Variants in NBEA observed in about 807,000 individuals in gnomAD.
The protein encoded by NBEA is lysosomal-trafficking regulator 2.
A neutral mutation model predicts 343.4 loss-of-function variants in NBEA; 44 were observed. That is an observed-to-expected ratio of 0.13 (90% CI 0.10 to 0.16). NBEA has a LOEUF of 0.16. NBEA is among the 10% of genes least tolerant of loss of function. The pLI is 1.00. For synonymous variants in NBEA, 1,175 were observed against 1,238.7 expected, an observed-to-expected ratio of 0.95 and a Z score of 1.08; for missense variants, 2,555 against 3,631.3, an observed-to-expected ratio of 0.70 and a Z score of 7.62.
chr13:35,391,399 A>G (rs911144673), intron 38 of NBEA, among the ~76,000 whole-genome samples: 4 of 152,136 alleles, frequency 2.6e-5, no homozygotes, highest in African/African-American at 2.4e-5. Flanking sequence ...TGTTGTACAC[A>G]TAGAAGAATT....
chr13:35,452,259 C>G, intron 40 of NBEA, 24 bp downstream of exon 40: 1 of 1,530,064 alleles, frequency 6.5e-7, no homozygotes, highest in Admixed American at 2.1e-5. Context: ...TATATTTTTC[C>G]TATTTGTTGT....
At chr13:35,027,993 T>C (rs1208027392) in intron 1 of NBEA, among the ~76,000 whole-genome samples, 2 of 151,890 alleles carry the variant, frequency 1.3e-5, no homozygotes, top group Non-Finnish European at 2.9e-5. Context: ...TTGATAATCA[T>C]TTAGGGCTGT....
intron 38 of NBEA, among the ~76,000 whole-genome samples, chr13:35,423,158 T>C (rs920694416): frequency 6.6e-6 from 1 of 152,204 alleles, no homozygotes; most frequent in Non-Finnish European, 1.5e-5. Context: ...TTTAATTAGA[T>C]CCCATTTGTC....
chr13:35,417,799 T>G (rs190618920), intron 38 of NBEA, among the ~76,000 whole-genome samples: 3 of 152,186 alleles, frequency 2.0e-5, no homozygotes, highest in African/African-American at 7.2e-5. Flanking sequence ...TTGTTAACTT[T>G]CTGTCGCGTT....
At chr13:35,514,817 T>C (rs944513673) in intron 41 of NBEA, among the ~76,000 whole-genome samples, 2 of 152,162 alleles carry the variant, frequency 1.3e-5, no homozygotes, top group Non-Finnish European at 2.9e-5. Context: ...TCCAGTAGGG[T>C]AAGAGGTTAT....
intron 41 of NBEA, among the ~76,000 whole-genome samples, chr13:35,539,915 CAAAAA>C (rs71081262): frequency 3.0e-4 from 12 of 39,614 alleles, no homozygotes; most frequent in African/African-American, 7.4e-4. Flanking sequence ...GACTCCGTCT[CAAAAA>C]AAAAAAAAAA....
intron 49 of NBEA, among the ~76,000 whole-genome samples, chr13:35,637,866 G>A (rs2083766498): frequency 6.6e-6 from 1 of 151,922 alleles, no homozygotes. Context: ...AAGTGTCCGT[G>A]GATAGATGAA....
rs1402009800 is a variant in NBEA, at chr13:34,942,752, C to T, written c.-69C>T. ...GAGGCGACGGCCGGGGGGCGGGGGC[C>T]GAGGCAGGTATAACGGTACCGGCGG... On this transcript the variant is annotated 5_prime_UTR_variant, in exon 1 of 59. Transcript: ENST00000379939. 8 of 1,212,416 alleles carry T rather than the reference C, an allele frequency of 6.6e-6. No homozygotes were observed. Among genetic ancestry groups the T allele is most frequent in the Non-Finnish European group, 4.1e-6 (4 of 964,082 alleles). 75.1% of individuals were successfully genotyped at this position (1,212,416 alleles called of 1,614,324 possible). A position where few individuals can be genotyped will look rare whatever the true frequency, so the allele number is the denominator to read the frequency against.
At chr13:35,559,843 A>G (rs1367864821) in intron 44 of NBEA, among the ~76,000 whole-genome samples, 3 of 151,366 alleles carry the variant, frequency 2.0e-5, no homozygotes, top group Admixed American at 2.0e-4. Context: ...AAGCAAGAGA[A>G]TGGCCTGAAC....
chr13:35,427,843 C>A (rs1566118223), intron 38 of NBEA, among the ~76,000 whole-genome samples: 1 of 152,210 alleles, frequency 6.6e-6, no homozygotes, highest in Non-Finnish European at 1.5e-5. Flanking sequence ...GCGGGCGCCC[C>A]TTCCCCAGTC....
chr13:35,448,666 A>T (rs193073509), intron 39 of NBEA, among the ~76,000 whole-genome samples: 2 of 152,324 alleles, frequency 1.3e-5, no homozygotes, highest in Non-Finnish European at 2.9e-5. Flanking sequence ...AAGCAGTTAC[A>T]ATATCTATAA....
At chr13:35,347,020 C>G (rs1375079480) in intron 36 of NBEA, among the ~76,000 whole-genome samples, 3 of 152,012 alleles carry the variant, frequency 2.0e-5, no homozygotes, top group African/African-American at 7.2e-5. Flanking sequence ...GTAATTCAAC[C>G]TTGATATTAG....
At chr13:35,088,672 AT>A (rs751806452) in intron 10 of NBEA, among the ~76,000 whole-genome samples, 24 of 151,954 alleles carry the variant, frequency 1.6e-4, no homozygotes, top group Admixed American at 5.9e-4. Flanking sequence ...TTTAAAAAAA[AT>A]CTAACCAAAA....
chr13:35,294,049 G>T (rs549894453), intron 35 of NBEA, among the ~76,000 whole-genome samples: 1 of 151,936 alleles, frequency 6.6e-6, no homozygotes, highest in African/African-American at 2.4e-5. Context: ...TAAAGTAAGA[G>T]GCCTGCAAGT....
intron 36 of NBEA, among the ~76,000 whole-genome samples, chr13:35,344,224 A>G (rs1269255214): frequency 6.6e-6 from 1 of 152,132 alleles, no homozygotes; most frequent in East Asian, 1.9e-4. Flanking sequence ...AATAATAGAT[A>G]TACTAAATAC....
chr13:35,325,652 C>A (rs1219398037), intron 36 of NBEA, among the ~76,000 whole-genome samples: 1 of 151,920 alleles, frequency 6.6e-6, no homozygotes, highest in Non-Finnish European at 1.5e-5. Flanking sequence ...AGGATTATAT[C>A]ATGAAAAAGG....
chr13:35,181,320 G>A (rs982979650), intron 28 of NBEA, among the ~76,000 whole-genome samples: 9 of 151,304 alleles, frequency 5.9e-5, no homozygotes, highest in African/African-American at 2.2e-4. Context: ...CACCCCATCT[G>A]TGCTAATAAC....
chr13:35,564,723 T>G (rs1204561205), intron 44 of NBEA, among the ~76,000 whole-genome samples: 4 of 152,234 alleles, frequency 2.6e-5, no homozygotes, highest in African/African-American at 9.6e-5. Context: ...TTGCTTGAGC[T>G]ACCTAGCTGT....
At chr13:35,640,841 T>C (rs988249140) in intron 49 of NBEA, among the ~76,000 whole-genome samples, 4 of 152,152 alleles carry the variant, frequency 2.6e-5, no homozygotes, top group Non-Finnish European at 5.9e-5. Flanking sequence ...TCACTTCACA[T>C]TTATCTTTAC....
Sources: allele counts gnomAD v4.1 joint callset (sites outside exome capture counted in the v4.1 genomes callset), GRCh38; gene constraint gnomAD v4.1.1; transcripts MANE v1.5; gene names NCBI Gene and HGNC (gene_info 2026-07-23, HGNC 2026-07-21).